Variants in EXOC6B observed in about 807,000 individuals in gnomAD.
EXOC6B encodes the protein SEC15 homolog B.
A neutral mutation model predicts 113.5 loss-of-function variants in EXOC6B; 54 were observed. That is an observed-to-expected ratio of 0.48 (90% CI 0.38 to 0.60). The LOEUF is 0.60. Among genes scored for constraint, EXOC6B ranks in the 20% least tolerant of loss-of-function variants. The pLI is 0.00. For missense variants in EXOC6B, 797 were observed against 977.5 expected, an observed-to-expected ratio of 0.82 and a Z score of 2.46; for synonymous variants, 357 against 339.0, an observed-to-expected ratio of 1.05 and a Z score of -0.58.
intron 8 of EXOC6B, chr2:72,515,777 C>T (rs1462706304): frequency 1.0e-6 from 1 of 970,828 alleles, no homozygotes; most frequent in Non-Finnish European, 1.2e-6. Flanking sequence ...AAATTCATGT[C>T]CTTCGTGGAA....
At chr2:72,395,714 T>G (rs964091234) in intron 18 of EXOC6B, among the ~76,000 whole-genome samples, 1 of 152,162 alleles carries the variant, frequency 6.6e-6, no homozygotes, top group African/African-American at 2.4e-5. Flanking sequence ...GGGTCAAATC[T>G]TCACACTTTT....
intron 1 of EXOC6B, among the ~76,000 whole-genome samples, chr2:72,745,183 T>C (rs1268462037): frequency 1.3e-5 from 2 of 152,174 alleles, no homozygotes; most frequent in Admixed American, 1.3e-4. Context: ...TCAGGGGTGG[T>C]GGCCCACACC....
At chr2:72,250,757 G>A (rs1378735397) in intron 20 of EXOC6B, among the ~76,000 whole-genome samples, 2 of 151,162 alleles carry the variant, frequency 1.3e-5, no homozygotes, top group African/African-American at 2.4e-5. Flanking sequence ...CTCATCACTT[G>A]TAAAAAAAAA....
chr2:72,600,337 G>A (rs1400433619), intron 6 of EXOC6B, among the ~76,000 whole-genome samples: 3 of 151,640 alleles, frequency 2.0e-5, no homozygotes, highest in Non-Finnish European at 2.9e-5. Flanking sequence ...AGCTACTGGG[G>A]AGGATGAGGT....
intron 19 of EXOC6B, among the ~76,000 whole-genome samples, chr2:72,356,938 G>T (rs759055918): frequency 1.5e-4 from 23 of 152,144 alleles, no homozygotes; most frequent in Admixed American, 8.5e-4. Context: ...CGGCCACTAA[G>T]TGACCAACGA....
At chr2:72,373,938 T>C (rs373528346) in intron 19 of EXOC6B, among the ~76,000 whole-genome samples, 6 of 152,056 alleles carry the variant, frequency 3.9e-5, no homozygotes, top group African/African-American at 1.4e-4. Context: ...CTGGGCAACA[T>C]GGTGAAACTC....
At chr2:72,607,611 A>G (rs1487230683) in intron 6 of EXOC6B, among the ~76,000 whole-genome samples, 1 of 152,202 alleles carries the variant, frequency 6.6e-6, no homozygotes, top group African/African-American at 2.4e-5. Flanking sequence ...GGCATAGTCC[A>G]GAGTAGAGTC....
chr2:72,441,036 T>C (rs998444261), intron 18 of EXOC6B, among the ~76,000 whole-genome samples: 1 of 152,222 alleles, frequency 6.6e-6, no homozygotes, highest in Non-Finnish European at 1.5e-5. Context: ...AACTGGTCTA[T>C]GTACTTCAGT....
chr2:72,670,949 T>C (rs1438588940), intron 6 of EXOC6B, among the ~76,000 whole-genome samples: 1 of 152,022 alleles, frequency 6.6e-6, no homozygotes, highest in Non-Finnish European at 1.5e-5. Flanking sequence ...AACCTCAGAC[T>C]CATAAATTCA....
intron 20 of EXOC6B, among the ~76,000 whole-genome samples, chr2:72,293,523 G>A (rs1685938536): frequency 6.6e-6 from 1 of 152,110 alleles, no homozygotes; most frequent in Non-Finnish European, 1.5e-5. Context: ...TAATTCCTAA[G>A]TAGATAGGAA....
intron 6 of EXOC6B, among the ~76,000 whole-genome samples, chr2:72,588,688 A>T (rs1360734995): frequency 1.3e-5 from 2 of 152,042 alleles, no homozygotes; most frequent in Non-Finnish European, 2.9e-5. Flanking sequence ...AATAATTTTA[A>T]TTTTTTTAAT....
intron 1 of EXOC6B, among the ~76,000 whole-genome samples, chr2:72,790,517 A>G (rs1451006005): frequency 1.3e-5 from 2 of 152,204 alleles, no homozygotes; most frequent in African/African-American, 4.8e-5. Context: ...CAGTCCCACA[A>G]AAGCTATGCT....
At chr2:72,761,949 A>T (rs375633384) in intron 1 of EXOC6B, among the ~76,000 whole-genome samples, 5 of 151,782 alleles carry the variant, frequency 3.3e-5, no homozygotes, top group Non-Finnish European at 5.9e-5. Context: ...TCTCAAATTT[A>T]AAAAAAAGAA....
intron 17 of EXOC6B, among the ~76,000 whole-genome samples, chr2:72,471,388 A>C (rs9653555): frequency 0.029 from 4,395 of 152,216 alleles, 214 homozygotes; most frequent in African/African-American, 0.099. Flanking sequence ...AGTAGGTTGA[A>C]AAAATTTTCT....
chr2:72,566,277 T>C (rs1469384057), intron 7 of EXOC6B, among the ~76,000 whole-genome samples: 1 of 152,216 alleles, frequency 6.6e-6, no homozygotes, highest in African/African-American at 2.4e-5. Flanking sequence ...TAGACTCATA[T>C]AGCATGTAGC....
intron 18 of EXOC6B, among the ~76,000 whole-genome samples, chr2:72,417,272 C>G (rs1694582957): frequency 6.6e-6 from 1 of 152,184 alleles, no homozygotes; most frequent in African/African-American, 2.4e-5. Context: ...CTTCTCACCC[C>G]TCCACCTCCC....
At chr2:72,784,600 A>C (rs1684264007) in intron 1 of EXOC6B, among the ~76,000 whole-genome samples, 1 of 152,158 alleles carries the variant, frequency 6.6e-6, no homozygotes, top group East Asian at 1.9e-4. Context: ...ATGAGGAAGA[A>C]GCAAAAGCGG....
chr2:72,776,311 T>C (rs2104968640), intron 1 of EXOC6B, among the ~76,000 whole-genome samples: 1 of 152,306 alleles, frequency 6.6e-6, no homozygotes, highest in Non-Finnish European at 1.5e-5. Flanking sequence ...TGGTCGATTT[T>C]ACTAAATAAA....
At chr2:72,462,869 A>G (rs1363313825) in intron 18 of EXOC6B, 1 of 152,128 alleles carries the variant, frequency 6.6e-6, no homozygotes, top group Non-Finnish European at 1.5e-5. Context: ...CCTGTTGTCA[A>G]TGAAAATAAA....
Sources: gnomAD v4.1 joint callset for allele counts (sites outside exome capture counted in the v4.1 genomes callset) on GRCh38, gnomAD v4.1.1 for gene constraint, MANE v1.5 for transcripts, NCBI Gene and HGNC (gene_info 2026-07-23, HGNC 2026-07-21) for gene names.